The following RBP4 variants were observed in gnomAD, a reference collection of about 807,000 sequenced individuals.
RBP4 encodes the protein retinol-binding protein 4.
A neutral mutation model predicts 26.2 loss-of-function variants in RBP4; 9 were observed. That is an observed-to-expected ratio of 0.34 (90% CI 0.21 to 0.60). RBP4 has a LOEUF of 0.60. Among genes scored for constraint, RBP4 ranks in the 20% least tolerant of loss-of-function variants. RBP4 has a pLI of 0.80. For missense variants in RBP4, 244 were observed against 271.3 expected (o/e 0.90, Z 0.71); for synonymous variants, 114 against 111.0 (o/e 1.03, Z -0.17).
At chr10:93,601,069 A>C (rs779798755) in intron 1 of RBP4, 23 bp from the exon 2 acceptor site, 1 of 1,598,490 alleles carries the variant, frequency 6.3e-7, no homozygotes, top group Non-Finnish European at 8.5e-7. Context: ...CGCCTCCGTC[A>C]GTGCCCGGCA....
At chr10:93,596,345 C>A (rs533598754) in intron 4 of RBP4, among the ~76,000 whole-genome samples, 1 of 152,254 alleles carries the variant, frequency 6.6e-6, no homozygotes, top group South Asian at 2.1e-4. Context: ...TGGTTAATCT[C>A]CAGGCTCTTT....
chr10:93,598,547 C>T (rs2058315914), intron 4 of RBP4, among the ~76,000 whole-genome samples: 1 of 152,238 alleles, frequency 6.6e-6, no homozygotes, highest in South Asian at 2.1e-4. Context: ...AGTCATCTCA[C>T]TTAATATCTA....
In RBP4 at chr10:93,593,808, C is replaced by A. The variant is rs1403576412; in HGVS notation, c.568+15G>T. On this transcript the variant is annotated intron_variant, in intron 5 of 5. Coordinates refer to ENST00000371464, the MANE Select transcript of RBP4 (RefSeq NM_006744.4). ...CCTGCAGGAAGAGCCAGAAGGCACCCTGCTCCTGACTCACCGTTGTGGACG... is the reference window on the plus strand; with the variant it reads ...CCTGCAGGAAGAGCCAGAAGGCACCATGCTCCTGACTCACCGTTGTGGACG... 1 of 1,610,626 alleles carries A rather than the reference C, an allele frequency of 6.2e-7. No individual in the cohort carries two copies. The highest frequency in any genetic ancestry group is 1.7e-5 in the Admixed American group (1 of 60,002).
intron 4 of RBP4, among the ~76,000 whole-genome samples, chr10:93,595,217 G>A (rs2134569537): frequency 6.6e-6 from 1 of 152,216 alleles, no homozygotes; most frequent in East Asian, 1.9e-4. Context: ...CCTGTATTGA[G>A]ATAAAAGTGC....
intron 1 of RBP4, 51 bp downstream of exon 1, chr10:93,601,120 C>T (rs931041753): frequency 2.0e-6 from 3 of 1,518,902 alleles, no homozygotes; most frequent in Middle Eastern, 2.3e-4. Flanking sequence ...CCCACCCCAC[C>T]CCACCCCGGC....
intron 5 of RBP4, among the ~76,000 whole-genome samples, chr10:93,593,293 C>A (rs1451837526): frequency 6.6e-6 from 1 of 152,272 alleles, no homozygotes; most frequent in East Asian, 1.9e-4. Context: ...ATGGTTGTTC[C>A]AGAGAATCTC....
chr10:93,594,881 T>G (rs2058293197), intron 4 of RBP4, among the ~76,000 whole-genome samples: 1 of 152,182 alleles, frequency 6.6e-6, no homozygotes, highest in Admixed American at 6.5e-5. Context: ...GGCTCGTGCT[T>G]GTAATCCCAG....
chr10:93,592,380 C>A (rs2058273124), intron 5 of RBP4, among the ~76,000 whole-genome samples: 1 of 152,176 alleles, frequency 6.6e-6, no homozygotes, highest in South Asian at 2.1e-4. Context: ...CCTTTGATTT[C>A]TCTTAAGTCT....
Position 93,600,947 on chromosome 10 carries a change from G to A in RBP4, c.82C>T (p.Arg28Ter), listed in dbSNP as rs1264545724. The change falls in exon 2 of 6, where the codon CGA becomes TGA. Residue 28 changes from arginine to a stop codon, truncating the protein, a stop_gained. Transcript: ENST00000371464. LOFTEE classifies it high-confidence loss of function. ...GCCTTGTCGAAGTTCTCCTTGACTC[G>A]GAAGCTGCTCACTCGGCAGTCGCGC... ...AERDCRVSSF[R>*]VKENFDKARF... is the part of the protein sequence containing the mutation. 6.2e-7 allele frequency: 1 copy of A among 1,612,508 alleles called. No homozygotes were observed. Among genetic ancestry groups the A allele is most frequent in the Non-Finnish European group, 8.5e-7 (1 of 1,179,760 alleles).
intron 5 of RBP4, 152 bp downstream of exon 5, chr10:93,593,671 G>A: frequency 1.2e-6 from 1 of 843,142 alleles, no homozygotes; most frequent in East Asian, 2.6e-5. Context: ...ATCTGGCCAA[G>A]CAGGATCTGG....
chr10:93,601,383 G>T, upstream of RBP4: 19 of 1,266,066 alleles, frequency 1.5e-5, no homozygotes, highest in Non-Finnish European at 1.9e-5. Flanking sequence ...CACGGGCAGG[G>T]TCCCTGTGGG....
upstream of RBP4, chr10:93,601,333 G>C: frequency 2.4e-6 from 3 of 1,230,538 alleles, no homozygotes; most frequent in Non-Finnish European, 3.0e-6. Context: ...GAGGCGCCGG[G>C]GGCACTTGCA....
intron 4 of RBP4, among the ~76,000 whole-genome samples, chr10:93,594,624 G>A (rs185899691): frequency 1.2e-3 from 182 of 152,188 alleles, no homozygotes; most frequent in Admixed American, 3.3e-3. Flanking sequence ...TCTTTGTGCC[G>A]GCAAAGAGTA....
chr10:93,601,211 C>A lies in RBP4; in HGVS notation c.-59G>T. ...CGCGCGCAAGCCTGGCCGCCGAGTC[C>A]GGGCGCGCGTGGAGCGAGGGAGGCG... is the stretch of plus-strand genomic sequence containing the variant. On this transcript the variant is annotated 5_prime_UTR_variant, in exon 1 of 6. Transcript: ENST00000371464. 1 of 1,318,646 alleles carries A rather than the reference C, an allele frequency of 7.6e-7. No homozygotes were observed. Among genetic ancestry groups the A allele is most frequent in the Non-Finnish European group, 9.6e-7 (1 of 1,041,866 alleles). The allele number at this position is 1,318,646 out of a possible 1,614,324, so 81.7% of individuals were successfully genotyped here. A position where few individuals can be genotyped will look rare whatever the true frequency, so the allele number is the denominator to read the frequency against.
At chr10:93,594,092 T>A in intron 4 of RBP4, 57 bp from the exon 5 acceptor site, 1 of 1,546,280 alleles carries the variant, frequency 6.5e-7, no homozygotes, top group Non-Finnish European at 8.9e-7. Flanking sequence ...GGCTCAGATG[T>A]CGGAGAAACT....
At position 93,593,839 on chromosome 10, in the gene RBP4, C is replaced by T. The variant is rs2134567527; in HGVS notation, c.552G>A (p.Arg184=). The T allele has an allele frequency of 6.2e-7, 1 of 1,612,048 alleles. No homozygotes were observed. The highest frequency in any genetic ancestry group is 8.5e-7 in the Non-Finnish European group (1 of 1,179,890). Residue 184 remains arginine (R), a synonymous_variant, in exon 5 of 6, where the codon AGG becomes AGA. Coordinates refer to ENST00000371464, the MANE Select transcript of RBP4 (RefSeq NM_006744.4). ...CTGACTCACCGTTGTGGACGATCAG[C>T]CTGTACTGCCTGGCCAGGCACAGCT... ...QEELCLARQY[R]LIVHNGYCDG...
At chr10:93,592,141 G>T in intron 5 of RBP4, 29 bp from the exon 6 acceptor site, 1 of 1,610,016 alleles carries the variant, frequency 6.2e-7, no homozygotes, top group South Asian at 1.1e-5. Context: ...AGCCATTAAC[G>T]ACAGAAAGTG....
upstream of RBP4, chr10:93,601,395 C>T (rs1253835054): frequency 1.4e-5 from 18 of 1,265,608 alleles, no homozygotes; most frequent in Non-Finnish European, 1.7e-5. Context: ...CCCTGTGGGC[C>T]GGCCTCACCT....
intron 5 of RBP4, among the ~76,000 whole-genome samples, chr10:93,593,513 T>G (rs555084762): frequency 2.8e-4 from 42 of 152,244 alleles, no homozygotes; most frequent in African/African-American, 9.1e-4. Flanking sequence ...AATGGTTTTT[T>G]GGGGCAGTGT....
Sources: allele counts gnomAD v4.1 joint callset (sites outside exome capture counted in the v4.1 genomes callset), GRCh38; gene constraint gnomAD v4.1.1; transcripts MANE v1.5; gene names NCBI Gene and HGNC (gene_info 2026-07-23, HGNC 2026-07-21).